PDE7A: variants seen among roughly 807,000 people sequenced by gnomAD.
The protein encoded by PDE7A is high affinity 3',5'-cyclic-AMP phosphodiesterase 7A.
In PDE7A, 39 loss-of-function variants were observed where a neutral mutation model predicts 64.3. That is an observed-to-expected ratio of 0.61 (90% CI 0.47 to 0.79). PDE7A has a LOEUF of 0.79. PDE7A is among the 30% of genes least tolerant of loss of function. PDE7A has a pLI of 0.00. For synonymous variants in PDE7A, 203 were observed against 206.8 expected, an observed-to-expected ratio of 0.98 and a Z score of 0.16; for missense variants, 470 against 582.8, an observed-to-expected ratio of 0.81 and a Z score of 1.99.
chr8:65,833,181 T>A (rs1427272370), intron 1 of PDE7A, among the ~76,000 whole-genome samples: 1 of 152,170 alleles, frequency 6.6e-6, no homozygotes, highest in Non-Finnish European at 1.5e-5. Flanking sequence ...CAATGCTCTG[T>A]CCCCTCTCAC....
At chr8:65,834,492 C>T (rs2128935047) in intron 1 of PDE7A, among the ~76,000 whole-genome samples, 1 of 152,132 alleles carries the variant, frequency 6.6e-6, no homozygotes, top group East Asian at 1.9e-4. Context: ...GTTCAAGGGT[C>T]AGCTGTAATT....
chr8:65,755,548 T>C (rs945965704), intron 3 of PDE7A, among the ~76,000 whole-genome samples: 38 of 152,238 alleles, frequency 2.5e-4, no homozygotes, highest in African/African-American at 9.2e-4. Context: ...CTCCTTCCTA[T>C]TGTTATTATC....
Position 65,718,339 on chromosome 8 carries a change from G to A in PDE7A, c.*951C>T, listed in dbSNP as rs568085480. 6 of 152,296 alleles carry A rather than the reference G, an allele frequency of 3.9e-5. No homozygotes were observed. Among genetic ancestry groups the A allele is most frequent in the South Asian group, 2.1e-4 (1 of 4,818 alleles). 9.4% of individuals were successfully genotyped at this position (152,296 alleles called of 1,614,324 possible). A position where few individuals can be genotyped will look rare whatever the true frequency, so the allele number is the denominator to read the frequency against. On this transcript the variant is annotated 3_prime_UTR_variant, in exon 13 of 13. Transcript: ENST00000401827. ...CAACATACCTCTCACTCACTGCAGC[G>A]AAAGGGACTTTAGTACCCTTGATCT...
At chr8:65,761,465 T>C (rs560427670) in intron 3 of PDE7A, among the ~76,000 whole-genome samples, 10 of 152,346 alleles carry the variant, frequency 6.6e-5, no homozygotes, top group African/African-American at 1.9e-4. Context: ...AAAGCTCCAC[T>C]TCCATCAAGC....
intron 1 of PDE7A, among the ~76,000 whole-genome samples, chr8:65,802,934 T>C (rs1810029234): frequency 6.6e-6 from 1 of 152,112 alleles, no homozygotes; most frequent in Admixed American, 6.6e-5. Context: ...TTTAAAAGTG[T>C]GTGGCACCTC....
rs899094015 is a variant in PDE7A at position 65,760,617 on chromosome 8, A to T, written c.284-12814T>A. On this transcript the variant is annotated intron_variant, in intron 3 of 12. Transcript: ENST00000401827. The stretch of plus-strand genomic sequence containing the variant: ...TCTAAGAAAAGGGATCAAGAACTAT[A>T]AATCAAGGATAAAACATGATGAGAT... 2.6e-5 allele frequency among the ~76,000 whole-genome samples: 4 copies of T among 152,206 alleles called. 1 individual carries two copies. Among genetic ancestry groups the T allele is most frequent in the African/African-American group, 9.7e-5 (4 of 41,446 alleles).
intron 1 of PDE7A, among the ~76,000 whole-genome samples, chr8:65,832,048 T>C (rs140300547): frequency 4.8e-4 from 73 of 152,348 alleles, no homozygotes; most frequent in African/African-American, 1.7e-3. Context: ...TGTATTCTGT[T>C]ATTTGTTTTT....
intron 1 of PDE7A, among the ~76,000 whole-genome samples, chr8:65,815,847 T>C (rs1411933722): frequency 6.6e-6 from 1 of 152,200 alleles, no homozygotes; most frequent in Non-Finnish European, 1.5e-5. Flanking sequence ...TTCACCATTA[T>C]ATGAAAGGGC....
chr8:65,841,326 CAA>C (rs752113216), intron 1 of PDE7A, 43 bp downstream of exon 1: 4 of 1,459,520 alleles, frequency 2.7e-6, no homozygotes, highest in Admixed American at 2.7e-5. Flanking sequence ...CAGAGGGAAA[CAA>C]AAGAGAGAAG....
intron 4 of PDE7A, among the ~76,000 whole-genome samples, chr8:65,747,119 C>T (rs1318231551): frequency 6.6e-6 from 1 of 152,190 alleles, no homozygotes; most frequent in Non-Finnish European, 1.5e-5. Flanking sequence ...TCAAAAATCT[C>T]TCTCAATGCA....
intron 1 of PDE7A, among the ~76,000 whole-genome samples, chr8:65,825,014 A>C (rs1306000089): frequency 6.6e-6 from 1 of 152,224 alleles, no homozygotes; most frequent in Non-Finnish European, 1.5e-5. Flanking sequence ...AATTGGCATC[A>C]TCTTTCTGGA....
intron 1 of PDE7A, among the ~76,000 whole-genome samples, chr8:65,785,261 GA>G (rs1809519767): frequency 6.6e-6 from 1 of 152,180 alleles, no homozygotes; most frequent in South Asian, 2.1e-4. Context: ...AGAGGTAGGA[GA>G]GGGGCTTTTC....
intron 7 of PDE7A, among the ~76,000 whole-genome samples, chr8:65,730,630 T>C (rs1806842887): frequency 1.3e-5 from 2 of 152,016 alleles, no homozygotes; most frequent in African/African-American, 2.4e-5. Context: ...TCTAGAGGTC[T>C]AAAAACAGAG....
intron 6 of PDE7A, 135 bp downstream of exon 6, chr8:65,739,367 G>T: frequency 1.0e-6 from 1 of 977,038 alleles, no homozygotes; most frequent in Non-Finnish European, 1.4e-6. Context: ...CTAAATAACT[G>T]TGTGTTGTTT....
At position 65,715,996 on chromosome 8, in the gene PDE7A, C is replaced by CAAAAAAAAA. The variant is rs779701295; in HGVS notation, c.*3285_*3293dup. Among the ~76,000 whole-genome samples the CAAAAAAAAA allele has an allele frequency of 3.0e-5, 1 of 33,868 alleles. No individual in the cohort carries two copies. Among genetic ancestry groups the CAAAAAAAAA allele is most frequent in the African/African-American group, 1.3e-4 (1 of 7,516 alleles). The allele number at this position is 33,868 out of a possible 152,430, so 22.2% of individuals were successfully genotyped here. On this transcript the variant is annotated 3_prime_UTR_variant, in exon 13 of 13. Transcript: ENST00000401827. Reference sequence around the variant, plus strand: ...TGGGCGACAGAGCAAGGCTCTGTCTCAAAAAAAAAAAAAAAAAAAAAAAAA... The same window carrying CAAAAAAAAA: ...TGGGCGACAGAGCAAGGCTCTGTCTCAAAAAAAAAAAAAAAAAAAAAAAAAAAAAAAAAA...
At chr8:65,838,494 G>T in intron 1 of PDE7A, 1 of 152,200 alleles carries the variant, frequency 6.6e-6, no homozygotes. Context: ...TGGAAGAGCT[G>T]GTGTTCCATC....
At chr8:65,730,838 G>A (rs770183644) in intron 7 of PDE7A, among the ~76,000 whole-genome samples, 11 of 152,152 alleles carry the variant, frequency 7.2e-5, no homozygotes, top group African/African-American at 1.2e-4. Flanking sequence ...CAAGAGAATC[G>A]CTTGAACCCA....
intron 1 of PDE7A, among the ~76,000 whole-genome samples, chr8:65,798,043 C>T (rs543095361): frequency 6.9e-4 from 103 of 149,662 alleles, no homozygotes; most frequent in Non-Finnish European, 1.3e-3. Flanking sequence ...TTCTTCAAAA[C>T]ACAGTGTTAA....
At chr8:65,814,113 G>C (rs1172828602) in intron 1 of PDE7A, among the ~76,000 whole-genome samples, 1 of 151,972 alleles carries the variant, frequency 6.6e-6, no homozygotes, top group Non-Finnish European at 1.5e-5. Flanking sequence ...CAGTAACACA[G>C]ATGCTAAGCA....
Sources: allele counts gnomAD v4.1 joint callset (sites outside exome capture counted in the v4.1 genomes callset), GRCh38; gene constraint gnomAD v4.1.1; transcripts MANE v1.5; gene names NCBI Gene and HGNC (gene_info 2026-07-23, HGNC 2026-07-21).